The following ASB4 variants were observed in gnomAD, a reference collection of about 807,000 sequenced individuals.
ASB4 encodes the protein ankyrin repeat and SOCS box protein 4.
In ASB4, 35 loss-of-function variants were observed where a neutral mutation model predicts 38.6. That is an observed-to-expected ratio of 0.91 (90% CI 0.69 to 1.20). The LOEUF (loss-of-function observed/expected upper bound fraction) is 1.20, where lower values mean the gene tolerates loss of function less well. Among genes scored for constraint, ASB4 ranks in the 50% most tolerant of loss-of-function variants. ASB4 has a pLI of 0.00. For synonymous variants in ASB4, 195 were observed against 201.3 expected (o/e 0.97, Z 0.26); for missense variants, 557 against 527.2 (o/e 1.06, Z -0.55).
rs1372634179 is a variant in ASB4, at chr7:95,528,229, G to A, written c.904G>A (p.Ala302Thr). The change falls in exon 3 of 5, where the codon GCC (alanine) becomes ACC (threonine). Residue 302 changes from alanine to threonine, a missense_variant. Ala to Thr is a moderately conservative substitution (Grantham distance 58, BLOSUM62 0). Coordinates refer to ENST00000325885, the MANE Select transcript of ASB4 (RefSeq NM_016116.3). The part of the protein sequence containing the change: ...VLKVTSVRPA[A>T]QPEICYQLLL... ...GAAGGTCACCTCCGTGCGCCCTGCT[G>A]CCCAGCCTGAGATCTGCTACCAGCT... 2 of 1,614,162 alleles carry A rather than the reference G, an allele frequency of 1.2e-6. No individual in the cohort carries two copies. Among genetic ancestry groups the A allele is most frequent in the East Asian group, 2.2e-5 (1 of 44,860 alleles).
intron 3 of ASB4, among the ~76,000 whole-genome samples, chr7:95,534,673 T>C (rs1036449559): frequency 1.6e-4 from 24 of 152,146 alleles, no homozygotes; most frequent in Non-Finnish European, 2.4e-4. Flanking sequence ...CACCTGATGA[T>C]CTTTATGTTA....
chr7:95,490,432 A>G (rs1042737369), intron 1 of ASB4, among the ~76,000 whole-genome samples: 1 of 152,206 alleles, frequency 6.6e-6, no homozygotes, highest in African/African-American at 2.4e-5. Flanking sequence ...TCTGGAAAAT[A>G]TTAGCTATTA....
intron 2 of ASB4, among the ~76,000 whole-genome samples, chr7:95,510,596 C>A (rs1022783565): frequency 2.6e-5 from 4 of 152,188 alleles, no homozygotes; most frequent in African/African-American, 9.7e-5. Context: ...GTTTTGGTCT[C>A]ACCTATACGA....
intron 2 of ASB4, among the ~76,000 whole-genome samples, chr7:95,519,009 T>A (rs1223296605): frequency 6.6e-6 from 1 of 152,168 alleles, no homozygotes; most frequent in Non-Finnish European, 1.5e-5. Context: ...GAATTAATGG[T>A]TCTTGTTGCT....
chr7:95,533,806 T>C (rs919630494), intron 3 of ASB4, among the ~76,000 whole-genome samples: 2 of 152,214 alleles, frequency 1.3e-5, no homozygotes, highest in African/African-American at 2.4e-5. Context: ...TTAAAGTATA[T>C]GAAGATTTAA....
intron 2 of ASB4, among the ~76,000 whole-genome samples, chr7:95,517,636 A>G (rs945896283): frequency 4.6e-5 from 7 of 152,204 alleles, no homozygotes; most frequent in African/African-American, 1.7e-4. Flanking sequence ...TGAGTCATCA[A>G]TACCATTAGA....
rs190961905 is a variant in ASB4, at chr7:95,523,983, G to A, written c.488-3830G>A. Among the ~76,000 whole-genome samples, 192 of 152,252 alleles carry A rather than the reference G, an allele frequency of 1.3e-3. 2 individuals carry two copies. Among genetic ancestry groups the A allele is most frequent in the African/African-American group, 4.3e-3 (180 of 41,552 alleles). On this transcript the variant is annotated intron_variant, in intron 2 of 4. Transcript: ENST00000325885. ...AGAAATTGGCTAAAATTAAATAGAC[G>A]GAAAATACCAATGTTGATAAGGATG... is the stretch of plus-strand genomic sequence containing the variant.
At chr7:95,536,910 C>T (rs2116659198) in intron 4 of ASB4, among the ~76,000 whole-genome samples, 1 of 152,252 alleles carries the variant, frequency 6.6e-6, no homozygotes, top group African/African-American at 2.4e-5. Flanking sequence ...ATTTCATTTA[C>T]TTTTAAATAT....
chr7:95,544,846 C>T (rs1443722677), downstream of ASB4, among the ~76,000 whole-genome samples: 1 of 152,000 alleles, frequency 6.6e-6, no homozygotes, highest in Non-Finnish European at 1.5e-5. Flanking sequence ...AGGTGCATGC[C>T]ATCACGCCCA....
intron 2 of ASB4, among the ~76,000 whole-genome samples, chr7:95,498,261 A>G (rs928405550): frequency 6.6e-6 from 1 of 152,178 alleles, no homozygotes; most frequent in Non-Finnish European, 1.5e-5. Flanking sequence ...GCTTGGGTCT[A>G]GGAGTTTGAG....
chr7:95,518,327 T>A (rs1160866431), intron 2 of ASB4, among the ~76,000 whole-genome samples: 1 of 152,242 alleles, frequency 6.6e-6, no homozygotes, highest in East Asian at 1.9e-4. Context: ...GAGGAATTTT[T>A]AAAGTCTTCT....
At chr7:95,480,777 G>A (rs930505348) in intron 1 of ASB4, among the ~76,000 whole-genome samples, 1 of 152,200 alleles carries the variant, frequency 6.6e-6, no homozygotes, top group South Asian at 2.1e-4. Context: ...AACCATGAGA[G>A]ATAATAAATG....
rs767043809 is a variant in ASB4, at chr7:95,527,840, A to T, written c.515A>T (p.Asn172Ile). The T allele has an allele frequency of 2.5e-6, 4 of 1,605,586 alleles. No homozygotes were observed. In the South Asian group the frequency reaches 4.4e-5, roughly 18 times the overall value. ...RGANVNMKTN[N>I]QDEETPLHTA... is the part of the protein sequence containing the mutation. Reference sequence around the variant, plus strand: ...GCGAATGTGAACATGAAGACCAACAACCAAGATGAGGAGACGCCCTTGCAC... The same window carrying T: ...GCGAATGTGAACATGAAGACCAACATCCAAGATGAGGAGACGCCCTTGCAC... The change falls in exon 3 of 5, where the codon AAC becomes ATC. Residue 172 changes from asparagine to isoleucine, a missense_variant. Coordinates refer to ENST00000325885, the MANE Select transcript of ASB4 (RefSeq NM_016116.3).
At chr7:95,500,492 C>T (rs117230776) in intron 2 of ASB4, among the ~76,000 whole-genome samples, 2,004 of 141,162 alleles carry the variant, frequency 0.014, 61 homozygotes, top group Admixed American at 0.064. Context: ...CTTGAGCTCA[C>T]GAGTTTGAGG....
intron 2 of ASB4, among the ~76,000 whole-genome samples, chr7:95,524,935 G>A (rs925592622): frequency 6.6e-6 from 1 of 152,202 alleles, no homozygotes; most frequent in Non-Finnish European, 1.5e-5. Context: ...CCTGTTAACA[G>A]GAACCCCTCT....
chr7:95,519,751 T>C (rs1343240965), intron 2 of ASB4, among the ~76,000 whole-genome samples: 1 of 152,194 alleles, frequency 6.6e-6, no homozygotes, highest in Non-Finnish European at 1.5e-5. Flanking sequence ...AGTGTAATTT[T>C]TTAAGGTGAT....
intron 2 of ASB4, among the ~76,000 whole-genome samples, chr7:95,516,636 T>A (rs1790587160): frequency 6.6e-6 from 1 of 152,210 alleles, no homozygotes; most frequent in Admixed American, 6.5e-5. Flanking sequence ...TCAATATGGC[T>A]TAAAAAATAC....
At chr7:95,513,259 T>TTG (rs1355123229) in intron 2 of ASB4, among the ~76,000 whole-genome samples, 1 of 141,822 alleles carries the variant, frequency 7.1e-6, no homozygotes, top group African/African-American at 2.7e-5. Context: ...GTTTGTTTTT[T>TTG]TTTTTTTTTT....
chr7:95,488,868 T>A (rs1348657210), intron 1 of ASB4, among the ~76,000 whole-genome samples: 1 of 152,240 alleles, frequency 6.6e-6, no homozygotes, highest in African/African-American at 2.4e-5. Context: ...GTTTCAGTTA[T>A]TTTTGGCTTA....
Sources: gnomAD v4.1 joint callset for allele counts (sites outside exome capture counted in the v4.1 genomes callset) on GRCh38, gnomAD v4.1.1 for gene constraint, MANE v1.5 for transcripts, NCBI Gene and HGNC (gene_info 2026-07-23, HGNC 2026-07-21) for gene names.